The following NFIB variants were observed in gnomAD, a reference collection of about 807,000 sequenced individuals.
NFIB encodes the protein nuclear factor I B.
Under a neutral mutation model 61.5 loss-of-function variants are expected in NFIB, and 11 were observed. That is an observed-to-expected ratio of 0.18 (90% CI 0.11 to 0.30). The LOEUF (loss-of-function observed/expected upper bound fraction) is 0.30. NFIB is among the 10% of genes least tolerant of loss of function. The pLI, the probability that NFIB is intolerant of heterozygous loss-of-function variation, is 1.00. For missense variants in NFIB, 471 were observed against 608.9 expected, an observed-to-expected ratio of 0.77 and a Z score of 2.38; for synonymous variants, 260 against 216.5, an observed-to-expected ratio of 1.20 and a Z score of -1.76.
Position 14,210,120 on chromosome 9 carries a change from G to A in NFIB, c.563-30340C>T, listed in dbSNP as rs978967986. Among the ~76,000 whole-genome samples the A allele has an allele frequency of 5.3e-5, 8 of 152,170 alleles. 1 individual carries two copies. Among genetic ancestry groups the A allele is most frequent in the East Asian group, 3.9e-4 (2 of 5,176 alleles). ...TTGAAGCGCTACACATCTCCCCAAA[G>A]CTTTACAATGCCATCTGTTCTCATT... On this transcript the variant is annotated intron_variant, in intron 2 of 10. Coordinates refer to ENST00000380953, the MANE Select transcript of NFIB (RefSeq NM_001190737.2).
chr9:14,223,384 A>T (rs1304313244), intron 2 of NFIB, among the ~76,000 whole-genome samples: 1 of 152,136 alleles, frequency 6.6e-6, no homozygotes, highest in Non-Finnish European at 1.5e-5. Context: ...TAACTTCTCC[A>T]CTGCATTGCT....
intron 2 of NFIB, among the ~76,000 whole-genome samples, chr9:14,193,819 A>G (rs1426165112): frequency 1.3e-5 from 2 of 152,330 alleles, no homozygotes; most frequent in African/African-American, 4.8e-5. Flanking sequence ...AAGTGACATA[A>G]CGGAAAAACA....
At chr9:14,257,576 G>A (rs968355916) in intron 2 of NFIB, among the ~76,000 whole-genome samples, 5 of 152,088 alleles carry the variant, frequency 3.3e-5, no homozygotes, top group African/African-American at 7.2e-5. Context: ...CCAACGTGGC[G>A]AAACCCTGTC....
the NFIB span, among the ~76,000 whole-genome samples, chr9:14,418,180 A>G: frequency 3.2e-3 from 483 of 152,268 alleles, 2 homozygotes; most frequent in Middle Eastern, 0.024. Context: ...CAGAACTTCA[A>G]TTTCTTTATT....
At chr9:14,230,527 C>G (rs944625419) in intron 2 of NFIB, among the ~76,000 whole-genome samples, 1 of 152,054 alleles carries the variant, frequency 6.6e-6, no homozygotes, top group African/African-American at 2.4e-5. Flanking sequence ...AGTCTATATC[C>G]AAATGAACCC....
chr9:14,309,271 G>A (rs1454745747), intron 1 of NFIB, among the ~76,000 whole-genome samples: 1 of 152,208 alleles, frequency 6.6e-6, no homozygotes, highest in African/African-American at 2.4e-5. Flanking sequence ...ACATTTTGAA[G>A]AAGAAATTCG....
At chr9:14,392,269 T>C (rs956223853) in intron 1 of NFIB, among the ~76,000 whole-genome samples, 1 of 152,186 alleles carries the variant, frequency 6.6e-6, no homozygotes, top group Non-Finnish European at 1.5e-5. Flanking sequence ...TGAATATAGA[T>C]GGACTTCAGG....
intron 2 of NFIB, among the ~76,000 whole-genome samples, chr9:14,200,644 G>A (rs552579315): frequency 1.3e-5 from 2 of 151,804 alleles, no homozygotes; most frequent in Non-Finnish European, 1.5e-5. Context: ...CCTTTCTTAG[G>A]TCCAATCCTC....
intron 2 of NFIB, among the ~76,000 whole-genome samples, chr9:14,194,976 A>T (rs1258557098): frequency 1.3e-5 from 2 of 152,034 alleles, no homozygotes; most frequent in African/African-American, 4.8e-5. Context: ...TCTCTTTCAC[A>T]AAAGAGAAAG....
chr9:14,475,451 A>C, the NFIB span, among the ~76,000 whole-genome samples: 5 of 152,214 alleles, frequency 3.3e-5, no homozygotes, highest in Non-Finnish European at 7.3e-5. Context: ...CAGTTCAGGA[A>C]GTTAAAAACC....
At chr9:14,185,136 C>T (rs1273613073) in intron 2 of NFIB, among the ~76,000 whole-genome samples, 3 of 151,878 alleles carry the variant, frequency 2.0e-5, no homozygotes, top group Admixed American at 6.6e-5. Flanking sequence ...CCTGAAGAGA[C>T]AGAAATATAC....
chr9:14,239,357 T>C (rs2054121742), intron 2 of NFIB, among the ~76,000 whole-genome samples: 2 of 152,336 alleles, frequency 1.3e-5, no homozygotes, highest in South Asian at 4.1e-4. Flanking sequence ...CATGTGTATA[T>C]GTTCTAAGAC....
At chr9:14,350,990 A>G (rs2061103515) in intron 1 of NFIB, among the ~76,000 whole-genome samples, 1 of 152,212 alleles carries the variant, frequency 6.6e-6, no homozygotes, top group Non-Finnish European at 1.5e-5. Context: ...CCAAAGGCCA[A>G]GCTTTGGCAA....
chr9:14,253,399 G>T (rs1256187421), intron 2 of NFIB, among the ~76,000 whole-genome samples: 2 of 152,216 alleles, frequency 1.3e-5, no homozygotes, highest in African/African-American at 4.8e-5. Flanking sequence ...TTTCAAGGAA[G>T]GCTGGAAATG....
At chr9:14,514,403 T>G in the NFIB span, among the ~76,000 whole-genome samples, 1 of 151,890 alleles carries the variant, frequency 6.6e-6, no homozygotes, top group African/African-American at 2.4e-5. Context: ...CAAAAAGTAG[T>G]TTACTGAAAA....
intron 2 of NFIB, among the ~76,000 whole-genome samples, chr9:14,240,328 T>C (rs961772081): frequency 6.6e-6 from 1 of 152,176 alleles, no homozygotes; most frequent in South Asian, 2.1e-4. Flanking sequence ...TATATCTTTA[T>C]ACTCCAATTT....
intron 7 of NFIB, among the ~76,000 whole-genome samples, chr9:14,123,939 C>G (rs547629396): frequency 6.8e-4 from 103 of 152,164 alleles, no homozygotes; most frequent in Non-Finnish European, 1.4e-3. Context: ...ACTTTGCCAT[C>G]ACACTTTAGC....
the NFIB span, among the ~76,000 whole-genome samples, chr9:14,455,407 C>G: frequency 6.6e-6 from 1 of 152,130 alleles, no homozygotes; most frequent in South Asian, 2.1e-4. Context: ...AGTGGTATGT[C>G]GCAATAGCCA....
chr9:14,516,038 G>C, the NFIB span, among the ~76,000 whole-genome samples: 22 of 152,308 alleles, frequency 1.4e-4, no homozygotes, highest in African/African-American at 5.3e-4. Context: ...AGCCATTGGC[G>C]AGCACCTGCT....
Sources: allele counts gnomAD v4.1 joint callset (sites outside exome capture counted in the v4.1 genomes callset), GRCh38; gene constraint gnomAD v4.1.1; transcripts MANE v1.5; gene names NCBI Gene and HGNC (gene_info 2026-07-23, HGNC 2026-07-21).